The following PTPN12 variants were observed in gnomAD, a reference collection of about 807,000 sequenced individuals.
PTPN12 encodes tyrosine-protein phosphatase non-receptor type 12.
A neutral mutation model predicts 97.6 loss-of-function variants in PTPN12; 29 were observed. That is an observed-to-expected ratio of 0.30 (90% CI 0.22 to 0.41). PTPN12 has a LOEUF of 0.41. Ranked by LOEUF, PTPN12 falls within the 10% of genes least tolerant of loss-of-function variation. PTPN12 has a pLI of 1.00. For missense variants in PTPN12, 819 were observed against 926.0 expected (o/e 0.88, Z 1.50); for synonymous variants, 327 against 300.4 (o/e 1.09, Z -0.91).
rs879470982 is a variant in PTPN12, at chr7:77,624,266, C to CA, written c.1026-2425dup. On this transcript the variant is annotated intron_variant, in intron 12 of 17. Coordinates refer to ENST00000248594, the MANE Select transcript of PTPN12 (RefSeq NM_002835.4). ...CAGGTGGCAGAGCAGGACCCTGTCTCAAAAAAAAAAAAAAGAATCTACTTG... is the reference window on the plus strand; with the variant it reads ...CAGGTGGCAGAGCAGGACCCTGTCTCAAAAAAAAAAAAAAAGAATCTACTTG... Among the ~76,000 whole-genome samples the CA allele has an allele frequency of 4.5e-3, 477 of 106,920 alleles. 1 individual carries two copies. The highest frequency in any genetic ancestry group is 8.9e-3 in the African/African-American group (254 of 28,392). 70.1% of individuals were successfully genotyped at this position (106,920 alleles called of 152,430 possible). A position where few individuals can be genotyped will look rare whatever the true frequency, so the allele number is the denominator to read the frequency against.
intron 9 of PTPN12, among the ~76,000 whole-genome samples, chr7:77,607,928 T>C (rs1379568685): frequency 6.6e-6 from 1 of 152,124 alleles, no homozygotes; most frequent in East Asian, 1.9e-4. Context: ...TAATGTTTTA[T>C]ATTTTTGGTA....
chr7:77,579,045 A>C (rs1322148802), intron 2 of PTPN12, among the ~76,000 whole-genome samples: 2 of 152,152 alleles, frequency 1.3e-5, no homozygotes, highest in Non-Finnish European at 2.9e-5. Flanking sequence ...AAAATTCATA[A>C]CTTCGTTCCA....
rs1395657923 is a variant in PTPN12 at position 77,636,983 on chromosome 7, T to C, written c.2143-35T>C. On this transcript the variant is annotated intron_variant, in intron 15 of 17. Transcript: ENST00000248594. ...TTCTATTATTTGTATATAAAATGAA[T>C]GTATTGTAATAGGTATTAAATGTCT... The C allele has an allele frequency of 2.0e-6, 3 of 1,523,470 alleles. No individual in the cohort carries two copies. The African/African-American group carries it at 4.1e-5, about 21-fold the overall frequency. The allele number at this position is 1,523,470 out of a possible 1,614,324, so 94.4% of individuals were successfully genotyped here.
At chr7:77,621,596 G>A (rs1202904505) in intron 12 of PTPN12, among the ~76,000 whole-genome samples, 4 of 152,004 alleles carry the variant, frequency 2.6e-5, no homozygotes, top group African/African-American at 7.2e-5. Flanking sequence ...TTGAACCCGG[G>A]AAGTGGAGGT....
At chr7:77,630,902 A>G (rs897233926) in intron 13 of PTPN12, among the ~76,000 whole-genome samples, 1 of 152,224 alleles carries the variant, frequency 6.6e-6, no homozygotes, top group Non-Finnish European at 1.5e-5. Context: ...CCAAAGTTCC[A>G]GGGAGAAACA....
Position 77,617,353 on chromosome 7 carries a change from T to G in PTPN12, c.940-1127T>G, listed in dbSNP as rs561540452. 5.9e-5 allele frequency among the ~76,000 whole-genome samples: 9 copies of G among 152,320 alleles called. No homozygotes were observed. In the East Asian group the frequency reaches 1.7e-3, roughly 29 times the overall value. ...TAATTAAGGAAGAATGCTTTAAGTT[T>G]TATGACATAACTCTGTTGTTCTTGT... is the stretch of plus-strand genomic sequence containing the variant. On this transcript the variant is annotated intron_variant, in intron 11 of 17. Transcript: ENST00000248594.
At chr7:77,606,285 C>G (rs781389004) in intron 8 of PTPN12, among the ~76,000 whole-genome samples, 1 of 151,154 alleles carries the variant, frequency 6.6e-6, no homozygotes, top group Non-Finnish European at 1.5e-5. Context: ...GAATAAATGT[C>G]TCTGTAAGAC....
At chr7:77,541,637 ATAT>A (rs1190188686) in intron 1 of PTPN12, among the ~76,000 whole-genome samples, 2 of 152,180 alleles carry the variant, frequency 1.3e-5, no homozygotes, top group African/African-American at 2.4e-5. Context: ...ATGAGTGTTC[ATAT>A]TATAATTTTC....
Position 77,637,869 on chromosome 7 carries a change from A to C in PTPN12, c.2174-755A>C, listed in dbSNP as rs554358071. Reference sequence around the variant, plus strand: ...GGAAACTCCGTCTCAAAAAAAAAAAAAAAAAAACAAGTAGAGTTATTATTT... The same window carrying C: ...GGAAACTCCGTCTCAAAAAAAAAAACAAAAAAACAAGTAGAGTTATTATTT... On this transcript the variant is annotated intron_variant, in intron 16 of 17. Coordinates refer to ENST00000248594, the MANE Select transcript of PTPN12 (RefSeq NM_002835.4). Among the ~76,000 whole-genome samples, 68 of 151,100 alleles carry C rather than the reference A, an allele frequency of 4.5e-4. 2 individuals carry two copies. Among genetic ancestry groups the C allele is most frequent in the Admixed American group, 2.2e-3 (34 of 15,144 alleles).
At chr7:77,634,358 G>A (rs1018740452) in intron 14 of PTPN12, among the ~76,000 whole-genome samples, 1 of 152,138 alleles carries the variant, frequency 6.6e-6, no homozygotes, top group Non-Finnish European at 1.5e-5. Context: ...GTGCTCACTT[G>A]TCTAAGTACA....
At chr7:77,544,011 G>A (rs1807108516) in intron 1 of PTPN12, among the ~76,000 whole-genome samples, 1 of 152,140 alleles carries the variant, frequency 6.6e-6, no homozygotes, top group Non-Finnish European at 1.5e-5. Context: ...ACATTTTCAG[G>A]TCTCTTGGGT....
At chr7:77,638,383 C>T (rs938845801) in intron 16 of PTPN12, among the ~76,000 whole-genome samples, 5 of 152,108 alleles carry the variant, frequency 3.3e-5, no homozygotes, top group African/African-American at 4.8e-5. Context: ...GTAAGAATAA[C>T]GAGAATCCTC....
chr7:77,574,187 AGT>A (rs892796468), intron 2 of PTPN12, among the ~76,000 whole-genome samples: 2 of 152,128 alleles, frequency 1.3e-5, no homozygotes, highest in Non-Finnish European at 2.9e-5. Context: ...TGTTATTGAG[AGT>A]GTGGTTCGAA....
intron 2 of PTPN12, among the ~76,000 whole-genome samples, chr7:77,577,669 C>T (rs1235683673): frequency 6.6e-6 from 1 of 152,126 alleles, no homozygotes; most frequent in African/African-American, 2.4e-5. Flanking sequence ...AATCAAAATA[C>T]ACATGATATG....
intron 1 of PTPN12, among the ~76,000 whole-genome samples, chr7:77,539,646 G>A (rs1438079680): frequency 6.6e-6 from 1 of 152,024 alleles, no homozygotes; most frequent in Non-Finnish European, 1.5e-5. Context: ...TTTTGAGACG[G>A]AGTCTCGCTC....
chr7:77,636,797 C>A, intron 15 of PTPN12: 1 of 398,272 alleles, frequency 2.5e-6, no homozygotes, highest in Non-Finnish European at 4.5e-6. Context: ...TGCAGTAGCC[C>A]ATGCTTTTCA....
chr7:77,630,695 T>A (rs980684968), intron 13 of PTPN12, among the ~76,000 whole-genome samples: 2 of 152,228 alleles, frequency 1.3e-5, no homozygotes, highest in Non-Finnish European at 1.5e-5. Context: ...TAAAAAAAAC[T>A]TTTGCATAAG....
At chr7:77,623,606 G>A (rs1789023494) in intron 12 of PTPN12, among the ~76,000 whole-genome samples, 1 of 152,240 alleles carries the variant, frequency 6.6e-6, no homozygotes, top group Admixed American at 6.5e-5. Flanking sequence ...AGCTACTTGT[G>A]AGGCTGAGGC....
At chr7:77,634,684 G>A (rs1190179141) in intron 14 of PTPN12, among the ~76,000 whole-genome samples, 1 of 150,928 alleles carries the variant, frequency 6.6e-6, no homozygotes, top group African/African-American at 2.4e-5. Flanking sequence ...CTCATGATCC[G>A]CCCACCTCAG....
Sources: gnomAD v4.1 joint callset for allele counts (sites outside exome capture counted in the v4.1 genomes callset) on GRCh38, gnomAD v4.1.1 for gene constraint, MANE v1.5 for transcripts, NCBI Gene and HGNC (gene_info 2026-07-23, HGNC 2026-07-21) for gene names.